Variants in RPS6KA6 observed in about 807,000 individuals in gnomAD.
RPS6KA6 encodes ribosomal protein S6 kinase alpha-6.
Under a neutral mutation model 65.4 loss-of-function variants are expected in RPS6KA6, and 27 were observed. The ratio of observed to expected loss-of-function variants is 0.41; its 90% CI spans 0.30 to 0.57. RPS6KA6 has a LOEUF of 0.57. RPS6KA6 is among the 20% of genes least tolerant of loss of function. The pLI, the probability that RPS6KA6 is intolerant of heterozygous loss-of-function variation, is 0.24. For missense variants in RPS6KA6, 486 were observed against 555.6 expected, an observed-to-expected ratio of 0.87 and a Z score of 1.26; for synonymous variants, 190 against 184.2, an observed-to-expected ratio of 1.03 and a Z score of -0.26.
chrX:84,141,230 T>G (rs1452155665), intron 6 of RPS6KA6, among the ~76,000 whole-genome samples: 2 of 110,991 alleles, frequency 1.8e-5, no homozygotes, highest in Non-Finnish European at 3.8e-5. Flanking sequence ...AGTATGTCTG[T>G]GTTCCAATAA....
At chrX:84,164,649 T>A (rs2035570438) in intron 1 of RPS6KA6, among the ~76,000 whole-genome samples, 1 of 111,813 alleles carries the variant, frequency 8.9e-6, no homozygotes, top group African/African-American at 3.2e-5. Context: ...CAGATAACTA[T>A]ACACTAAGTA....
intron 17 of RPS6KA6, among the ~76,000 whole-genome samples, chrX:84,103,559 G>C (rs1190463601): frequency 9.0e-6 from 1 of 110,813 alleles, no homozygotes; most frequent in Admixed American, 9.7e-5. Context: ...CTGGCCTGTA[G>C]AAATGCTCAA....
intron 1 of RPS6KA6, among the ~76,000 whole-genome samples, chrX:84,179,241 T>A (rs780732144): frequency 1.8e-5 from 2 of 110,743 alleles, no homozygotes; most frequent in Admixed American, 1.9e-4. Context: ...AGAATAGCTA[T>A]TTTTTTTCAC....
At chrX:84,112,452 T>A (rs1220985620) in intron 12 of RPS6KA6, among the ~76,000 whole-genome samples, 4 of 111,639 alleles carry the variant, frequency 3.6e-5, no homozygotes, top group Non-Finnish European at 5.7e-5. Flanking sequence ...TTCAAGAAAA[T>A]CAAAATCACA....
intron 3 of RPS6KA6, among the ~76,000 whole-genome samples, chrX:84,149,442 A>G (rs1213350072): frequency 1.8e-5 from 2 of 111,996 alleles, no homozygotes; most frequent in Non-Finnish European, 3.8e-5. Flanking sequence ...TACAGCAACT[A>G]TAGCCTTACA....
intron 1 of RPS6KA6, among the ~76,000 whole-genome samples, chrX:84,175,841 A>T (rs1449487056): frequency 8.9e-6 from 1 of 111,849 alleles, no homozygotes; most frequent in Non-Finnish European, 1.9e-5. Context: ...GTTTTCAGTT[A>T]TCAAGACAGA....
intron 20 of RPS6KA6, among the ~76,000 whole-genome samples, chrX:84,087,706 T>C (rs1309289359): frequency 8.9e-6 from 1 of 111,989 alleles, no homozygotes; most frequent in East Asian, 2.8e-4. Context: ...TTGGTCTTTC[T>C]TGCTAGGTTG....
intron 3 of RPS6KA6, among the ~76,000 whole-genome samples, chrX:84,149,697 C>T (rs1251778250): frequency 9.0e-6 from 1 of 111,102 alleles, no homozygotes; most frequent in Non-Finnish European, 1.9e-5. Flanking sequence ...ATGCTATAAA[C>T]AGATGTGCTG....
chrX:84,108,216 T>C (rs1271906767), intron 12 of RPS6KA6, among the ~76,000 whole-genome samples: 1 of 112,247 alleles, frequency 8.9e-6, no homozygotes, highest in African/African-American at 3.2e-5. Flanking sequence ...AAATTTCTAA[T>C]AATATATAAA....
chrX:84,156,158 G>A lies in RPS6KA6; in HGVS notation c.175C>T (p.His59Tyr). ...TTCTCATAGCCTTCCTTAACATGAT[G>A]AGTAATAGGGATTTCTTTAACAACT... ...EGVVKEIPIT[H>Y]HVKEGYEKAD... is the part of the protein sequence containing the mutation. Residue 59 changes from histidine (H) to tyrosine (Y), a missense_variant, in exon 3 of 22, where the codon CAT becomes TAT. Physicochemically the swap from His to Tyr is moderately conservative, Grantham distance 83. Coordinates refer to ENST00000262752, the MANE Select transcript of RPS6KA6 (RefSeq NM_014496.5). 1 of 1,172,486 alleles carries A rather than the reference G, an allele frequency of 8.5e-7. No homozygotes were observed. Among genetic ancestry groups the A allele is most frequent in the Non-Finnish European group, 1.2e-6 (1 of 861,376 alleles).
intron 3 of RPS6KA6, among the ~76,000 whole-genome samples, chrX:84,155,608 G>C (rs985555196): frequency 1.8e-5 from 2 of 111,904 alleles, no homozygotes; most frequent in Non-Finnish European, 3.8e-5. Flanking sequence ...AACTACCCTT[G>C]TTCTACTTTA....
chrX:84,091,696 T>C (rs1373199941), intron 20 of RPS6KA6, among the ~76,000 whole-genome samples: 1 of 111,936 alleles, frequency 8.9e-6, no homozygotes. Context: ...ACAGGGTATA[T>C]ACCCAAAGGA....
intron 20 of RPS6KA6, among the ~76,000 whole-genome samples, chrX:84,084,992 T>G (rs2033886324): frequency 9.0e-6 from 1 of 111,397 alleles, no homozygotes; most frequent in Non-Finnish European, 1.9e-5. Flanking sequence ...TCATTTATGA[T>G]TTGCCTCTCC....
intron 12 of RPS6KA6, among the ~76,000 whole-genome samples, chrX:84,108,328 T>C (rs1028080672): frequency 6.2e-5 from 7 of 112,294 alleles, no homozygotes; most frequent in Admixed American, 1.9e-4. Context: ...TATTTAAATA[T>C]GTAAACATGA....
intron 20 of RPS6KA6, among the ~76,000 whole-genome samples, chrX:84,090,331 G>A (rs1272271323): frequency 2.7e-5 from 3 of 112,198 alleles, no homozygotes; most frequent in Non-Finnish European, 5.6e-5. Flanking sequence ...CTTAGATAGT[G>A]TAGTCTTTCA....
At chrX:84,170,443 A>G (rs1255699584) in intron 1 of RPS6KA6, among the ~76,000 whole-genome samples, 1 of 109,794 alleles carries the variant, frequency 9.1e-6, no homozygotes, top group African/African-American at 3.3e-5. Flanking sequence ...CAGCCTGGCC[A>G]ACATAGTGAA....
chrX:84,074,956 C>T (rs1016826172), intron 20 of RPS6KA6, among the ~76,000 whole-genome samples: 1 of 111,779 alleles, frequency 8.9e-6, no homozygotes, highest in Non-Finnish European at 1.9e-5. Flanking sequence ...GACTCAAGGC[C>T]GGGCATGGTG....
At chrX:84,111,421 A>G (rs907888621) in intron 12 of RPS6KA6, among the ~76,000 whole-genome samples, 6 of 111,470 alleles carry the variant, frequency 5.4e-5, no homozygotes, top group Admixed American at 3.8e-4. Context: ...GAAAGAATAA[A>G]TCATAAAAGA....
Position 84,061,098 on chromosome X carries a change from G to A in RPS6KA6, c.*3179C>T, listed in dbSNP as rs1447263397. The A allele has an allele frequency of 8.9e-6, 1 of 111,916 alleles. No individual in the cohort carries two copies. Among genetic ancestry groups the A allele is most frequent in the Non-Finnish European group, 1.9e-5 (1 of 53,127 alleles). 9.2% of individuals were successfully genotyped at this position (111,916 alleles called of 1,213,427 possible). On this transcript the variant is annotated 3_prime_UTR_variant, in exon 22 of 22. Transcript: ENST00000262752. Reference sequence around the variant, plus strand: ...CTCAAATAAGATAGATAGCATGAAGGGGCTGGAAAGCCAGGAGAAAGAGAA... The same window carrying A: ...CTCAAATAAGATAGATAGCATGAAGAGGCTGGAAAGCCAGGAGAAAGAGAA...
Sources: gnomAD v4.1 joint callset for allele counts (sites outside exome capture counted in the v4.1 genomes callset) on GRCh38, gnomAD v4.1.1 for gene constraint, MANE v1.5 for transcripts, NCBI Gene and HGNC (gene_info 2026-07-23, HGNC 2026-07-21) for gene names.